DNAH11: variants seen among roughly 807,000 people sequenced by gnomAD.
DNAH11 encodes the protein axonemal beta dynein heavy chain 11.
In DNAH11, 442 loss-of-function variants were observed where a neutral mutation model predicts 526.0. The ratio of observed to expected loss-of-function variants is 0.84; its 90% confidence interval spans 0.78 to 0.91. The LOEUF (loss-of-function observed/expected upper bound fraction) is 0.91. Among genes scored for constraint, DNAH11 ranks in the 40% least tolerant of loss-of-function variants. The pLI is 0.00. For missense variants in DNAH11, 6,989 were observed against 5,448.7 expected, an observed-to-expected ratio of 1.28 and a Z score of -8.90; for synonymous variants, 2,461 against 1,935.9, an observed-to-expected ratio of 1.27 and a Z score of -7.12.
At chr7:21,691,273 A>T (rs1002470416) in intron 35 of DNAH11, among the ~76,000 whole-genome samples, 1 of 150,234 alleles carries the variant, frequency 6.7e-6, no homozygotes, top group African/African-American at 2.5e-5. Context: ...GTGCTGGCTC[A>T]TTTTTGCTCC....
At chr7:21,800,334 A>G (rs958369182) in intron 61 of DNAH11, among the ~76,000 whole-genome samples, 2 of 152,216 alleles carry the variant, frequency 1.3e-5, no homozygotes, top group African/African-American at 4.8e-5. Flanking sequence ...CCCTACGTCC[A>G]GAAGAGAAAA....
chr7:21,828,738 CTTT>C (rs57879254), intron 65 of DNAH11, among the ~76,000 whole-genome samples: 1 of 136,456 alleles, frequency 7.3e-6, no homozygotes, highest in African/African-American at 2.7e-5. Context: ...CTACTTATGA[CTTT>C]TTTTTTTCAT....
At chr7:21,635,218 G>A (rs149801296) in intron 25 of DNAH11, among the ~76,000 whole-genome samples, 211 of 152,188 alleles carry the variant, frequency 1.4e-3, no homozygotes, top group Non-Finnish European at 2.5e-3. Context: ...GTGCAGTGGC[G>A]TGATCTCAGC....
chr7:21,701,237 A>AT (rs1784045046), intron 36 of DNAH11, among the ~76,000 whole-genome samples: 1 of 151,874 alleles, frequency 6.6e-6, no homozygotes, highest in Non-Finnish European at 1.5e-5. Flanking sequence ...ATTGTGACTC[A>AT]GTGCATACAC....
intron 61 of DNAH11, among the ~76,000 whole-genome samples, chr7:21,789,780 T>C (rs1005376997): frequency 1.3e-5 from 1 of 78,238 alleles, no homozygotes; most frequent in African/African-American, 4.3e-5. Flanking sequence ...TTTCTTTCTT[T>C]CTTTCTTTCT....
rs1216363974 is a variant in DNAH11 at position 21,720,598 on chromosome 7, A to T, written c.7135-127A>T. On this transcript the variant is annotated intron_variant, in intron 43 of 81. Transcript: ENST00000409508. ...AAGGTGGTAATTTTTGTCTCTCCCA[A>T]TGTAGCAAATCACAGCTGGGAAAAA... 11 of 1,083,482 alleles carry T rather than the reference A, an allele frequency of 1.0e-5. No homozygotes were observed. The East Asian group carries it at 3.4e-4, about 33-fold the overall frequency. 67.1% of individuals were successfully genotyped at this position (1,083,482 alleles called of 1,614,324 possible).
At position 21,571,945 on chromosome 7, in the gene DNAH11, C is replaced by T. The variant is rs192594614; in HGVS notation, c.1565C>T (p.Thr522Ile). 14 of 1,591,590 alleles carry T rather than the reference C, an allele frequency of 8.8e-6. No individual in the cohort carries two copies. In the African/African-American group the frequency reaches 1.4e-4, roughly 15 times the overall value. The change falls in exon 8 of 82, where the codon ACT becomes ATT. Residue 522 changes from threonine (T) to isoleucine (I), a missense_variant. Transcript: ENST00000409508. The part of the protein sequence containing the change: ...MELCKLFKQS[T>I]YDPSDCTNME... ...CTCTGTAAACTTTTTAAACAGAGCA[C>T]TTATGACCCATCTGATTGCACTAAC...
chr7:21,901,157 TGA>T lies in DNAH11; in HGVS notation c.13458_13459del (p.Gly4487ProfsTer32). On this transcript the variant is annotated frameshift_variant, in exon 82 of 82. Transcript: ENST00000409508. LOFTEE classifies it high-confidence loss of function. ...GAGTGCCCTGTGTATAGAACCAAAC[TGA>T]GAGGCCCCAGCTACATCTGGACCTT... is the stretch of plus-strand genomic sequence containing the variant. The T allele has an allele frequency of 1.2e-6, 2 of 1,613,800 alleles. No individual in the cohort carries two copies. The highest frequency in any genetic ancestry group is 1.6e-4 in the Middle Eastern group (1 of 6,062).
Position 21,789,231 on chromosome 7 carries a change from G to T in DNAH11, c.9925-10G>T. The T allele has an allele frequency of 6.4e-7, 1 of 1,551,798 alleles. No individual in the cohort carries two copies. The highest frequency in any genetic ancestry group is 8.7e-7 in the Non-Finnish European group (1 of 1,143,956). On this transcript the variant is annotated splice_polypyrimidine_tract_variant and intron_variant, in intron 60 of 81. Transcript: ENST00000409508. ...CCTCTTTGTATCTGTATTAATTCAT[G>T]AATTTTCAGGTCTACTGTGATGTGG...
chr7:21,761,061 A>G (rs1440604349), intron 54 of DNAH11, among the ~76,000 whole-genome samples: 1 of 152,200 alleles, frequency 6.6e-6, no homozygotes, highest in African/African-American at 2.4e-5. Context: ...TCCTTGTGAC[A>G]ACTGGGGTTT....
chr7:21,728,640 A>G lies in DNAH11; in HGVS notation c.7440+2656A>G, dbSNP rs886238778. On this transcript the variant is annotated intron_variant, in intron 45 of 81. Coordinates refer to ENST00000409508, the MANE Select transcript of DNAH11 (RefSeq NM_001277115.2). Reference sequence around the variant, plus strand: ...AATCCAAATATCATCTACATGATACATTTCATCTATCAGTTCATTTCATGA... The same window carrying G: ...AATCCAAATATCATCTACATGATACGTTTCATCTATCAGTTCATTTCATGA... 5.9e-5 allele frequency among the ~76,000 whole-genome samples: 9 copies of G among 152,288 alleles called. No homozygotes were observed. The South Asian group carries it at 6.2e-4, about 11-fold the overall frequency.
At chr7:21,653,887 C>T (rs1395864583) in intron 28 of DNAH11, among the ~76,000 whole-genome samples, 1 of 152,110 alleles carries the variant, frequency 6.6e-6, no homozygotes, top group African/African-American at 2.4e-5. Context: ...AGTTCCTTGC[C>T]AATATTGGTG....
At chr7:21,571,045 G>A (rs1034598551) in intron 7 of DNAH11, among the ~76,000 whole-genome samples, 1 of 152,100 alleles carries the variant, frequency 6.6e-6, no homozygotes, top group Non-Finnish European at 1.5e-5. Context: ...GAGCCTGAAT[G>A]CCTCTTCTGT....
intron 5 of DNAH11, among the ~76,000 whole-genome samples, chr7:21,562,584 C>A (rs1024753770): frequency 1.1e-4 from 16 of 152,052 alleles, no homozygotes; most frequent in African/African-American, 3.9e-4. Flanking sequence ...CTCAATAGAA[C>A]AAGTGGCTCA....
chr7:21,703,154 G>A (rs768202903), intron 37 of DNAH11, among the ~76,000 whole-genome samples: 16 of 152,162 alleles, frequency 1.1e-4, no homozygotes, highest in Non-Finnish European at 2.1e-4. Flanking sequence ...GAAAGTCAGC[G>A]AAGACATAAT....
At chr7:21,712,557 C>T (rs544292887) in intron 42 of DNAH11, among the ~76,000 whole-genome samples, 3 of 152,328 alleles carry the variant, frequency 2.0e-5, no homozygotes, top group East Asian at 1.9e-4. Context: ...CTTTTTCTAA[C>T]AGTAGCCATG....
At chr7:21,568,196 A>G (rs1222978327) in intron 6 of DNAH11, among the ~76,000 whole-genome samples, 1 of 152,164 alleles carries the variant, frequency 6.6e-6, no homozygotes, top group East Asian at 1.9e-4. Context: ...ATAAGTTGGT[A>G]AGCAGTGTTT....
chr7:21,822,925 G>C (rs1790114343), intron 65 of DNAH11, among the ~76,000 whole-genome samples: 1 of 126,338 alleles, frequency 7.9e-6, no homozygotes, highest in Non-Finnish European at 1.7e-5. Context: ...ATCTACTCAG[G>C]TATTTTACCC....
At position 21,901,027 on chromosome 7, in the gene DNAH11, G is replaced by A. The variant is rs1397179633; in HGVS notation, c.13324G>A (p.Ala4442Thr). 1.9e-6 allele frequency: 3 copies of A among 1,608,916 alleles called. No homozygotes were observed. In the East Asian group the frequency reaches 6.7e-5, roughly 36 times the overall value. Residue 4442 changes from alanine (A) to threonine (T), a missense_variant, in exon 82 of 82, where the codon GCA (alanine) becomes ACA (threonine). Ala to Thr is a moderately conservative substitution (Grantham distance 58). Transcript: ENST00000409508. ...FMEGARWDTQ[A>T]GTIVEARLKE... ...CATAGGCGCCCGCTGGGACACCCAA[G>A]CAGGAACCATTGTTGAAGCCCGTCT...
Sources: gnomAD v4.1 joint callset for allele counts (sites outside exome capture counted in the v4.1 genomes callset) on GRCh38, gnomAD v4.1.1 for gene constraint, MANE v1.5 for transcripts, NCBI Gene and HGNC (gene_info 2026-07-23, HGNC 2026-07-21) for gene names.